Variants in FMN1 observed in about 807,000 individuals in gnomAD.
FMN1 encodes the protein formin 1, also known as formin-1.
Under a neutral mutation model 132.4 loss-of-function variants are expected in FMN1, and 110 were observed. That is an observed-to-expected ratio of 0.83 (90% confidence interval 0.71 to 0.97). The LOEUF (loss-of-function observed/expected upper bound fraction) is 0.97, where lower values mean the gene tolerates loss of function less well. Ranked by LOEUF, FMN1 falls within the 50% of genes least tolerant of loss-of-function variation. The pLI is 0.00. For synonymous variants in FMN1, 722 were observed against 651.7 expected, an observed-to-expected ratio of 1.11 and a Z score of -1.64; for missense variants, 1,792 against 1,705.3, an observed-to-expected ratio of 1.05 and a Z score of -0.90.
At chr15:33,018,686 A>G (rs555065464) in intron 6 of FMN1, among the ~76,000 whole-genome samples, 1 of 152,272 alleles carries the variant, frequency 6.6e-6, no homozygotes, top group East Asian at 1.9e-4. Flanking sequence ...TTCAAGAATG[A>G]AGCTGCGGAC....
rs1398754564 is a variant in FMN1 at position 32,823,163 on chromosome 15, T to TGTTG, written c.3929-18832_3929-18831insCAAC. ...AGAGAGTTTCTACTGTTTTTTTTTT[T>TGTTG]TTTTTTTTTTTTTTTTGAGACAGAG... On this transcript the variant is annotated intron_variant, in intron 17 of 20. Coordinates refer to ENST00000616417, the MANE Select transcript of FMN1 (RefSeq NM_001277313.2). Among the ~76,000 whole-genome samples, 78 of 60,990 alleles carry TGTTG rather than the reference T, an allele frequency of 1.3e-3. 1 individual carries two copies. Among genetic ancestry groups the TGTTG allele is most frequent in the Non-Finnish European group, 2.3e-3 (62 of 27,194 alleles). The allele number at this position is 60,990 out of a possible 152,430, so 40.0% of individuals were successfully genotyped here. A position where few individuals can be genotyped will look rare whatever the true frequency, so the allele number is the denominator to read the frequency against.
At chr15:32,856,081 T>C (rs2059125234) in intron 17 of FMN1, among the ~76,000 whole-genome samples, 1 of 152,194 alleles carries the variant, frequency 6.6e-6, no homozygotes. Context: ...GGAGTTCCTC[T>C]GACTCATAGA....
chr15:33,115,170 C>T (rs1415703487), intron 4 of FMN1, among the ~76,000 whole-genome samples: 14 of 152,078 alleles, frequency 9.2e-5, no homozygotes, highest in Non-Finnish European at 1.9e-4. Flanking sequence ...AAATGAAGAA[C>T]TAAATAAATT....
At chr15:32,864,472 A>T (rs1596118293) in intron 16 of FMN1, among the ~76,000 whole-genome samples, 1 of 152,220 alleles carries the variant, frequency 6.6e-6, no homozygotes, top group South Asian at 2.1e-4. Context: ...CATATGTGGA[A>T]AATCTATATG....
intron 6 of FMN1, among the ~76,000 whole-genome samples, chr15:33,031,254 C>T (rs935171433): frequency 3.3e-5 from 5 of 152,094 alleles, no homozygotes; most frequent in East Asian, 1.9e-4. Context: ...AAATGTCCAT[C>T]GAGGAAGACA....
chr15:33,111,340 G>T (rs565239017), intron 4 of FMN1, among the ~76,000 whole-genome samples: 30 of 152,246 alleles, frequency 2.0e-4, no homozygotes, highest in African/African-American at 6.3e-4. Flanking sequence ...TGTTCATGAG[G>T]CTGTGAAGAA....
chr15:33,078,644 C>CAAA (rs5811729), intron 5 of FMN1, among the ~76,000 whole-genome samples: 3 of 133,360 alleles, frequency 2.2e-5, no homozygotes, highest in African/African-American at 2.9e-5. Context: ...CAAAAGGCAA[C>CAAA]AAAAAAAAAA....
chr15:32,888,089 G>A (rs926097144), intron 16 of FMN1, 83 bp downstream of exon 16: 1 of 1,242,942 alleles, frequency 8.0e-7, no homozygotes, highest in Non-Finnish European at 1.1e-6. Context: ...CCCACTCTAT[G>A]AACCAGACCT....
intron 4 of FMN1, chr15:33,150,202 T>C: frequency 1.0e-6 from 1 of 985,364 alleles, no homozygotes; most frequent in Non-Finnish European, 1.2e-6. Context: ...CAAAGGTAAA[T>C]GAAAGCAAGC....
chr15:32,934,419 T>C (rs2061205326), intron 9 of FMN1, among the ~76,000 whole-genome samples: 1 of 152,176 alleles, frequency 6.6e-6, no homozygotes, highest in African/African-American at 2.4e-5. Context: ...TATATATACC[T>C]TTATCTACAA....
intron 9 of FMN1, among the ~76,000 whole-genome samples, chr15:32,963,295 A>G (rs1334036715): frequency 7.0e-6 from 1 of 143,154 alleles, no homozygotes; most frequent in Non-Finnish European, 1.5e-5. Flanking sequence ...CTGAACAATG[A>G]GAACACGTGG....
chr15:33,004,974 G>T (rs989978893), intron 7 of FMN1, among the ~76,000 whole-genome samples: 3 of 152,092 alleles, frequency 2.0e-5, no homozygotes, highest in Non-Finnish European at 2.9e-5. Context: ...TCACTCATAG[G>T]TGGGACTTGA....
At chr15:33,121,164 G>C (rs1566934256) in intron 4 of FMN1, among the ~76,000 whole-genome samples, 2 of 152,150 alleles carry the variant, frequency 1.3e-5, no homozygotes, top group African/African-American at 2.4e-5. Context: ...CAAGGACTTA[G>C]ATCAACAACA....
At chr15:32,823,172 T>G (rs1007088354) in intron 17 of FMN1, among the ~76,000 whole-genome samples, 21 of 101,220 alleles carry the variant, frequency 2.1e-4, no homozygotes, top group East Asian at 1.1e-3. Context: ...TTTTTTTTTT[T>G]TTTTTTTGAG....
In FMN1 at chr15:32,768,769, A is replaced by C. The variant is rs566542639; in HGVS notation, c.*5541T>G. 1 of 148,718 alleles carries C rather than the reference A, an allele frequency of 6.7e-6. No individual in the cohort carries two copies. The highest frequency in any genetic ancestry group is 2.0e-4 in the East Asian group (1 of 5,084). The allele number at this position is 148,718 out of a possible 1,614,324, so 9.2% of individuals were successfully genotyped here. On this transcript the variant is annotated 3_prime_UTR_variant, in exon 21 of 21. Transcript: ENST00000616417. ...GAAAAGGAGACTAGAGATTCTCAGT[A>C]TATTTAAGAGAAGATTTAAAAATAG...
intron 5 of FMN1, among the ~76,000 whole-genome samples, chr15:33,065,737 G>T (rs1386141680): frequency 1.3e-5 from 2 of 152,120 alleles, no homozygotes; most frequent in Non-Finnish European, 2.9e-5. Flanking sequence ...GTCATACACT[G>T]AATTGATATT....
At chr15:32,810,644 C>T (rs941507393) in intron 17 of FMN1, among the ~76,000 whole-genome samples, 1 of 152,160 alleles carries the variant, frequency 6.6e-6, no homozygotes, top group African/African-American at 2.4e-5. Context: ...TTTTTATTCT[C>T]AAGAGGGTGG....
intron 6 of FMN1, among the ~76,000 whole-genome samples, chr15:33,010,925 A>G (rs2034681762): frequency 6.6e-6 from 1 of 152,004 alleles, no homozygotes; most frequent in Non-Finnish European, 1.5e-5. Flanking sequence ...AAACGCAGAA[A>G]GACAAGTGGG....
At chr15:33,115,573 CCTAT>C (rs1300007174) in intron 4 of FMN1, among the ~76,000 whole-genome samples, 2 of 151,556 alleles carry the variant, frequency 1.3e-5, no homozygotes, top group South Asian at 2.1e-4. Context: ...CCCCACCTCT[CCTAT>C]CTTTTACATT....
Sources: allele counts gnomAD v4.1 joint callset (sites outside exome capture counted in the v4.1 genomes callset), GRCh38; gene constraint gnomAD v4.1.1; transcripts MANE v1.5; gene names NCBI Gene and HGNC (gene_info 2026-07-23, HGNC 2026-07-21).